Variants in TMC5 observed in about 807,000 individuals in gnomAD.
The protein encoded by TMC5 is transmembrane channel like 5.
A neutral mutation model predicts 110.5 loss-of-function variants in TMC5; 86 were observed. The observed-to-expected ratio is 0.78, with a 90% CI of 0.65 to 0.93. The LOEUF is 0.93. Ranked by LOEUF, TMC5 falls within the 40% of genes least tolerant of loss-of-function variation. TMC5 has a pLI of 0.00. For missense variants in TMC5, 1,144 were observed against 1,222.8 expected (o/e 0.94, Z 0.96); for synonymous variants, 455 against 439.5 (o/e 1.04, Z -0.44).
chr16:19,497,611 G>GT (rs1268211943), intron 21 of TMC5, among the ~76,000 whole-genome samples: 1 of 152,218 alleles, frequency 6.6e-6, no homozygotes, highest in Non-Finnish European at 1.5e-5. Flanking sequence ...GTAGATGCAG[G>GT]TGGTGCAACC....
Position 19,490,456 on chromosome 16 carries a change from T to C in TMC5, c.2635T>C (p.Tyr879His). The C allele has an allele frequency of 6.2e-7, 1 of 1,614,198 alleles. No homozygotes were observed. The highest frequency in any genetic ancestry group is 8.5e-7 in the Non-Finnish European group (1 of 1,180,030). Residue 879 changes from tyrosine to histidine, a missense_variant, in exon 18 of 22, where the codon TAC becomes CAC. Physicochemically the swap from Tyr to His is moderately conservative, Grantham distance 83. Transcript: ENST00000542583. ...RGLPLFIHSI[Y>H]SWIDTLSTRP... ...TCTGCCTCTCTTCATTCACTCCATC[T>C]ACAGCTGGATCGACACCCTAAGTAC...
At chr16:19,464,663 G>A (rs1415885607) in intron 8 of TMC5, among the ~76,000 whole-genome samples, 1 of 151,456 alleles carries the variant, frequency 6.6e-6, no homozygotes, top group African/African-American at 2.4e-5. Flanking sequence ...AGCAATATGT[G>A]GTGGGCATTT....
chr16:19,426,047 T>C (rs1471686165), intron 1 of TMC5, among the ~76,000 whole-genome samples: 1 of 152,252 alleles, frequency 6.6e-6, no homozygotes, highest in East Asian at 1.9e-4. Context: ...GTCCAGATCT[T>C]AGAACAGTGC....
At chr16:19,448,985 A>C (rs1325635096) in intron 4 of TMC5, among the ~76,000 whole-genome samples, 1 of 149,352 alleles carries the variant, frequency 6.7e-6, no homozygotes. Context: ...CAGCCTCCCG[A>C]GTAGCTGGGA....
chr16:19,429,397 A>T (rs1359180515), intron 1 of TMC5, among the ~76,000 whole-genome samples: 1 of 152,236 alleles, frequency 6.6e-6, no homozygotes, highest in Non-Finnish European at 1.5e-5. Context: ...CCTAAACATT[A>T]CACACTGCAG....
At chr16:19,411,843 C>CT (rs909651270) in intron 1 of TMC5, among the ~76,000 whole-genome samples, 1 of 152,184 alleles carries the variant, frequency 6.6e-6, no homozygotes, top group African/African-American at 2.4e-5. Context: ...CTTTCAATAA[C>CT]CCCTGCTAGT....
rs946770961 is a variant in TMC5, at chr16:19,479,588, T to C, written c.2267+60T>C. The C allele has an allele frequency of 1.9e-5, 23 of 1,226,738 alleles. No homozygotes were observed. In the Admixed American group the frequency reaches 1.9e-4, roughly 10 times the overall value. The allele number at this position is 1,226,738 out of a possible 1,614,324, so 76.0% of individuals were successfully genotyped here. A position where few individuals can be genotyped will look rare whatever the true frequency, so the allele number is the denominator to read the frequency against. On this transcript the variant is annotated intron_variant, in intron 14 of 21. Coordinates refer to ENST00000542583, the MANE Select transcript of TMC5 (RefSeq NM_001261841.2). ...GATGCTGTAAACAGAACCTGATTCC[T>C]GGCTGAGTGGGACATACAGGTGCCT... is the stretch of plus-strand genomic sequence containing the variant.
chr16:19,490,282 A>C, intron 17 of TMC5, 113 bp from the exon 18 acceptor site: 1 of 1,056,654 alleles, frequency 9.5e-7, no homozygotes, highest in Non-Finnish European at 1.4e-6. Flanking sequence ...GTGTGATTGG[A>C]TCAGGCAAGA....
rs1968516144 is a variant in TMC5, at chr16:19,477,455, A to G, written c.2106A>G (p.Lys702=). The G allele has an allele frequency of 6.2e-7, 1 of 1,612,436 alleles. No individual in the cohort carries two copies. Among genetic ancestry groups the G allele is most frequent in the Non-Finnish European group, 8.5e-7 (1 of 1,178,978 alleles). The change falls in exon 13 of 22, where the codon AAA becomes AAG. Residue 702 remains lysine, a synonymous_variant. Transcript: ENST00000542583. ...TTCTGTTTAGAAACATCTTTTTGAAAATATCAATCATTGGCATTCTTTGTT... is the reference window on the plus strand; with the variant it reads ...TTCTGTTTAGAAACATCTTTTTGAAGATATCAATCATTGGCATTCTTTGTT... ...YVLLIRNIFL[K]ISIIGILCYY...
At chr16:19,484,616 C>T (rs762541824) in intron 15 of TMC5, among the ~76,000 whole-genome samples, 1 of 152,050 alleles carries the variant, frequency 6.6e-6, no homozygotes, top group South Asian at 2.1e-4. Context: ...TACAAATTAG[C>T]CGGCTGTGGT....
intron 17 of TMC5, chr16:19,487,755 A>G (rs1567326173): frequency 7.4e-6 from 1 of 134,618 alleles, no homozygotes; most frequent in African/African-American, 2.8e-5. Context: ...AAATAAATAA[A>G]TAATGTAGGT....
Position 19,425,346 on chromosome 16 carries a change from T to A in TMC5, c.-307-5067T>A, listed in dbSNP as rs71384412. The stretch of plus-strand genomic sequence containing the variant: ...AGTTTGCTTTTTTTTTTTTTTTTTT[T>A]CCTGTGCACCCTTGACTGCTCACAG... On this transcript the variant is annotated intron_variant, in intron 1 of 21. Coordinates refer to ENST00000542583, the MANE Select transcript of TMC5 (RefSeq NM_001261841.2). Among the ~76,000 whole-genome samples the A allele has an allele frequency of 2.2e-5, 3 of 134,184 alleles. No individual in the cohort carries two copies. The South Asian group carries it at 7.4e-4, about 33-fold the overall frequency. The allele number at this position is 134,184 out of a possible 152,430, so 88.0% of individuals were successfully genotyped here. A position where few individuals can be genotyped will look rare whatever the true frequency, so the allele number is the denominator to read the frequency against.
At chr16:19,469,892 ACTTTT>A in intron 10 of TMC5, 67 bp downstream of exon 10, 3 of 1,528,216 alleles carry the variant, frequency 2.0e-6, no homozygotes, top group Non-Finnish European at 1.8e-6. Flanking sequence ...TATACCTGTA[ACTTTT>A]CTTTTTTTTT....
At chr16:19,489,194 C>G (rs573754710) in intron 17 of TMC5, among the ~76,000 whole-genome samples, 2 of 152,316 alleles carry the variant, frequency 1.3e-5, no homozygotes, top group African/African-American at 4.8e-5. Flanking sequence ...TTCTTTGAGA[C>G]AGGGCCTTGC....
At chr16:19,457,250 CA>C (rs1166406608) in intron 5 of TMC5, among the ~76,000 whole-genome samples, 1 of 152,080 alleles carries the variant, frequency 6.6e-6, no homozygotes, top group Non-Finnish European at 1.5e-5. Context: ...AAATAATAAC[CA>C]GGCATGATGG....
chr16:19,497,040 C>G, intron 20 of TMC5, 81 bp from the exon 21 acceptor site: 1 of 1,467,898 alleles, frequency 6.8e-7, no homozygotes, highest in South Asian at 1.1e-5. Flanking sequence ...GAGGGGCTCA[C>G]AAATTGTGCC....
chr16:19,420,271 A>G (rs113902256), intron 1 of TMC5, among the ~76,000 whole-genome samples: 1 of 151,724 alleles, frequency 6.6e-6, no homozygotes, highest in Non-Finnish European at 1.5e-5. Flanking sequence ...CTAAAACACA[A>G]AAAAAAATTA....
intron 5 of TMC5, among the ~76,000 whole-genome samples, chr16:19,453,522 G>T (rs1351862532): frequency 1.3e-5 from 2 of 151,828 alleles, no homozygotes; most frequent in Non-Finnish European, 2.9e-5. Context: ...CCGGGAGGCG[G>T]AGGTTGCCGT....
chr16:19,457,534 C>T (rs1967909626), intron 5 of TMC5, among the ~76,000 whole-genome samples: 1 of 152,012 alleles, frequency 6.6e-6, no homozygotes, highest in Non-Finnish European at 1.5e-5. Flanking sequence ...ATGCCTTGTG[C>T]TCTGCAGAGC....
Sources: gnomAD v4.1 joint callset for allele counts (sites outside exome capture counted in the v4.1 genomes callset) on GRCh38, gnomAD v4.1.1 for gene constraint, MANE v1.5 for transcripts, NCBI Gene and HGNC (gene_info 2026-07-23, HGNC 2026-07-21) for gene names.